Variants in SPNS1 observed in about 807,000 individuals in gnomAD.
SPNS1 encodes the protein protein spinster homolog 1.
In SPNS1, 22 loss-of-function variants were observed where a neutral mutation model predicts 50.3. The observed-to-expected ratio is 0.44, with a 90% confidence interval of 0.31 to 0.62. The LOEUF is 0.62. SPNS1 is among the 20% of genes least tolerant of loss of function. The pLI, the probability that SPNS1 is intolerant of heterozygous loss-of-function variation, is 0.07. For synonymous variants in SPNS1, 295 were observed against 317.4 expected, an observed-to-expected ratio of 0.93 and a Z score of 0.75; for missense variants, 576 against 728.6, an observed-to-expected ratio of 0.79 and a Z score of 2.41.
At position 28,983,364 on chromosome 16, in the gene SPNS1, A is replaced by G; in HGVS notation, c.1320+74A>G. 2.5e-6 allele frequency: 3 copies of G among 1,202,330 alleles called. No individual in the cohort carries two copies. The highest frequency in any genetic ancestry group is 3.7e-6 in the Non-Finnish European group (3 of 807,008). 74.5% of individuals were successfully genotyped at this position (1,202,330 alleles called of 1,614,324 possible). Reference sequence around the variant, plus strand: ...GGGCTGGATCAGAAGGCCTGGCCCTAGTGAAGTGTCTGTGTCCTGCGTGCT... The same window carrying G: ...GGGCTGGATCAGAAGGCCTGGCCCTGGTGAAGTGTCTGTGTCCTGCGTGCT... On this transcript the variant is annotated intron_variant, in intron 10 of 11. Transcript: ENST00000311008. The surrounding 1 kb of genome is among the most constrained non-coding windows in gnomAD (Gnocchi z 5.4).
chr16:28,979,492 G>A (rs1275701281), intron 5 of SPNS1, 21 bp downstream of exon 5: 2 of 1,613,566 alleles, frequency 1.2e-6, no homozygotes, highest in Non-Finnish European at 1.7e-6. Flanking sequence ...TCTTGGCCTG[G>A]GGGTAGGTCA....
intron 7 of SPNS1, 51 bp from the exon 8 acceptor site, chr16:28,982,305 G>A: frequency 6.6e-7 from 1 of 1,513,494 alleles, no homozygotes; most frequent in Non-Finnish European, 8.9e-7. Flanking sequence ...ACAGCGTAGG[G>A]GCCTTGGCAG....
At chr16:28,980,891 C>G (rs1404608174) in intron 5 of SPNS1, among the ~76,000 whole-genome samples, 2 of 152,128 alleles carry the variant, frequency 1.3e-5, no homozygotes, top group African/African-American at 2.4e-5. Context: ...AACCGTAAGC[C>G]CCCTAAAGGG....
rs1965277398 is a variant in SPNS1, at chr16:28,974,902, G to A, written c.-250G>A. The A allele has an allele frequency of 6.5e-7, 1 of 1,527,532 alleles. No homozygotes were observed. Among genetic ancestry groups the A allele is most frequent in the African/African-American group, 1.4e-5 (1 of 72,818 alleles). The allele number at this position is 1,527,532 out of a possible 1,614,324, so 94.6% of individuals were successfully genotyped here. On this transcript the variant is annotated 5_prime_UTR_variant, in exon 1 of 12. Transcript: ENST00000311008. Reference sequence around the variant, plus strand: ...TCCGCGTGGGATCGTGCCCTCTTCAGCCCGCTCCTGTCCCCGACATCACGT... The same window carrying A: ...TCCGCGTGGGATCGTGCCCTCTTCAACCCGCTCCTGTCCCCGACATCACGT...
In SPNS1 at chr16:28,983,730, C is replaced by T; in HGVS notation, c.1321-56C>T. 7.9e-6 allele frequency: 12 copies of T among 1,513,810 alleles called. No individual in the cohort carries two copies. Among genetic ancestry groups the T allele is most frequent in the Non-Finnish European group, 1.1e-5 (12 of 1,133,300 alleles). 93.8% of individuals were successfully genotyped at this position (1,513,810 alleles called of 1,614,324 possible). On this transcript the variant is annotated intron_variant, in intron 10 of 11. Coordinates refer to ENST00000311008, the MANE Select transcript of SPNS1 (RefSeq NM_032038.3). The surrounding 1 kb of genome is among the most constrained non-coding windows in gnomAD (Gnocchi z 5.4). ...TCCCTGGAGCTCAGGGGCGTGCCCTCCCTGGTTCATCCATGAGGCTGACTC... is the reference window on the plus strand; with the variant it reads ...TCCCTGGAGCTCAGGGGCGTGCCCTTCCTGGTTCATCCATGAGGCTGACTC...
In SPNS1 at chr16:28,981,328, T is replaced by A; in HGVS notation, c.664-142T>A. On this transcript the variant is annotated intron_variant, in intron 5 of 11. Coordinates refer to ENST00000311008, the MANE Select transcript of SPNS1 (RefSeq NM_032038.3). The surrounding 1 kb of genome is among the most constrained non-coding windows in gnomAD (Gnocchi z 4.2). ...TAGTGGCAGCCCCCTTCCCCCAGAT[T>A]GCAGGTTCGGCTTCTTGGAGCAGGC... 2.8e-6 allele frequency: 3 copies of A among 1,072,490 alleles called. No homozygotes were observed. The highest frequency in any genetic ancestry group is 3.9e-6 in the Non-Finnish European group (3 of 761,900). The allele number at this position is 1,072,490 out of a possible 1,614,324, so 66.4% of individuals were successfully genotyped here.
intron 7 of SPNS1, 92 bp from the exon 8 acceptor site, chr16:28,982,264 G>T: frequency 7.0e-7 from 1 of 1,434,234 alleles, no homozygotes; most frequent in African/African-American, 1.4e-5. Flanking sequence ...TGTGTCTGTA[G>T]GGACCTTGGT....
At position 28,984,456 on chromosome 16, in the gene SPNS1, G is replaced by T; in HGVS notation, c.*157G>T. The T allele has an allele frequency of 1.3e-6, 1 of 775,140 alleles. No homozygotes were observed. The allele number at this position is 775,140 out of a possible 1,614,324, so 48.0% of individuals were successfully genotyped here. A position where few individuals can be genotyped will look rare whatever the true frequency, so the allele number is the denominator to read the frequency against. On this transcript the variant is annotated 3_prime_UTR_variant, in exon 12 of 12. Transcript: ENST00000311008. ...ACTACCTGGGTAGCTCAGGGGAGGA[G>T]GTGGGGGTCCAGGAGGGGGATCCCT... is the stretch of plus-strand genomic sequence containing the variant.
In SPNS1 at chr16:28,981,047, T is replaced by C. The variant is rs921534494; in HGVS notation, c.664-423T>C. Among the ~76,000 whole-genome samples the C allele has an allele frequency of 6.6e-6, 1 of 152,196 alleles. No individual in the cohort carries two copies. Among genetic ancestry groups the C allele is most frequent in the Non-Finnish European group, 1.5e-5 (1 of 68,028 alleles). The stretch of plus-strand genomic sequence containing the variant: ...TAAGGACGTGAGAACTCCAGATGAT[T>C]ACCTTTCCATTTAGCAACATTGGCA... On this transcript the variant is annotated intron_variant, in intron 5 of 11. Coordinates refer to ENST00000311008, the MANE Select transcript of SPNS1 (RefSeq NM_032038.3). The surrounding 1 kb of genome is among the most constrained non-coding windows in gnomAD (Gnocchi z 4.2).
At position 28,982,490 on chromosome 16, in the gene SPNS1, C is replaced by T; in HGVS notation, c.1100C>T (p.Ala367Val). The change falls in exon 8 of 12, where the codon GCA becomes GTA. Residue 367 changes from alanine to valine, a missense_variant. By Grantham distance (64) the Ala-to-Val change is moderately conservative. This residue lies in a region of SPNS1 where 428 missense variants were observed against 520.1 expected (regional missense o/e 0.82). Coordinates refer to ENST00000311008, the MANE Select transcript of SPNS1 (RefSeq NM_032038.3). ...TGTGCCACTGGCCTCCTGGGCTCTG[C>T]ACCCTTCCTCTTCCTGTCCCTTGCC... is the stretch of plus-strand genomic sequence containing the variant. ...LVCATGLLGS[A>V]PFLFLSLACA... 6.2e-7 allele frequency: 1 copy of T among 1,613,684 alleles called. No homozygotes were observed. The highest frequency in any genetic ancestry group is 8.5e-7 in the Non-Finnish European group (1 of 1,179,872).
At position 28,982,299 on chromosome 16, in the gene SPNS1, C is replaced by T. The variant is rs142532385; in HGVS notation, c.966-57C>T. On this transcript the variant is annotated intron_variant, in intron 7 of 11. Transcript: ENST00000311008. ...TTGTGAGGGTGGCTAGGATGGACAG[C>T]GTAGGGGCCTTGGCAGGCACAGGGA... is the stretch of plus-strand genomic sequence containing the variant. The T allele has an allele frequency of 5.0e-3, 7,655 of 1,518,006 alleles. 28 individuals are homozygous for T. Among genetic ancestry groups the T allele is most frequent in the Non-Finnish European group, 6.2e-3 (7,012 of 1,124,366 alleles). The allele number at this position is 1,518,006 out of a possible 1,614,324, so 94.0% of individuals were successfully genotyped here.
rs1385543517 is a variant in SPNS1, at chr16:28,975,260, G to C, written c.109G>C (p.Glu37Gln). ...AGGGTCCACGGGGAACCCGAAGTCC[G>C]AGGAGCCCGAGGTCCCGGACCAGGA... ...LPGSTGNPKSEEPEVPDQEGL... is the reference protein window; with the variant it reads ...LPGSTGNPKSQEPEVPDQEGL... Residue 37 changes from glutamate (E) to glutamine (Q), a missense_variant, in exon 1 of 12, where the codon GAG becomes CAG. Coordinates refer to ENST00000311008, the MANE Select transcript of SPNS1 (RefSeq NM_032038.3). The C allele has an allele frequency of 6.4e-7, 1 of 1,552,714 alleles. No individual in the cohort carries two copies. The highest frequency in any genetic ancestry group is 8.7e-7 in the Non-Finnish European group (1 of 1,148,326).
Position 28,975,095 on chromosome 16 carries a change from TCGC to T in SPNS1, c.-56_-54del. On this transcript the variant is annotated 5_prime_UTR_variant, in exon 1 of 12. Transcript: ENST00000311008. ...TCCTCCTTTCTCCAGCCTCCTCCCC[TCGC>T]AGGTGGGATCGTCGGTGGGACCGGA... 6.9e-7 allele frequency: 1 copy of T among 1,448,460 alleles called. No individual in the cohort carries two copies. 89.7% of individuals were successfully genotyped at this position (1,448,460 alleles called of 1,614,324 possible).
At position 28,979,299 on chromosome 16, in the gene SPNS1, GT is replaced by G; in HGVS notation, c.590del (p.Val197GlyfsTer13). Reference protein sequence around the residue: ...MLSIFYFAIPVGSGLGYIAGS... With the variant: ...MLSIFYFAIPXGSGLGYIAGS... ...CAGCATCTTCTACTTTGCCATTCCG[GT>G]GGGCAGGTGAGTGGGCCTGGGGCCT... On this transcript the variant is annotated frameshift_variant, in exon 4 of 12. Transcript: ENST00000311008. LOFTEE classifies it high-confidence loss of function. 6.2e-7 allele frequency: 1 copy of G among 1,614,190 alleles called. No individual in the cohort carries two copies. Among genetic ancestry groups the G allele is most frequent in the Non-Finnish European group, 8.5e-7 (1 of 1,180,034 alleles).
chr16:28,975,319 C>T lies in SPNS1; in HGVS notation c.168C>T (p.Gly56=). The T allele has an allele frequency of 2.5e-6, 4 of 1,584,590 alleles. No homozygotes were observed. Among genetic ancestry groups the T allele is most frequent in the Non-Finnish European group, 3.4e-6 (4 of 1,161,952 alleles). The change falls in exon 1 of 12, where the codon GGC becomes GGT. Residue 56 remains glycine (G), a synonymous_variant. Transcript: ENST00000311008. The stretch of plus-strand genomic sequence containing the variant: ...AGCGCATCACCGGCCTGTCTCCCGG[C>T]CGTTCGGCTCTCATAGTGGCGGTGC... ...GLQRITGLSP[G]RSALIVAVLC...
Position 28,981,808 on chromosome 16 carries a change from C to A in SPNS1, c.810-93C>A. 1 of 1,558,076 alleles carries A rather than the reference C, an allele frequency of 6.4e-7. No individual in the cohort carries two copies. Among genetic ancestry groups the A allele is most frequent in the Non-Finnish European group, 8.8e-7 (1 of 1,139,838 alleles). On this transcript the variant is annotated intron_variant, in intron 6 of 11. Coordinates refer to ENST00000311008, the MANE Select transcript of SPNS1 (RefSeq NM_032038.3). This position sits in a 1 kb window ranked among gnomAD's most constrained non-coding sequence, Gnocchi z 4.2. ...AACCACCTCTGCACGGTGTTGTGACCTTACTAAAATAAGCCAGGAAGGGAG... is the reference window on the plus strand; with the variant it reads ...AACCACCTCTGCACGGTGTTGTGACATTACTAAAATAAGCCAGGAAGGGAG...
At chr16:28,977,747 G>A (rs142112708) in intron 2 of SPNS1, among the ~76,000 whole-genome samples, 161 bp from the exon 3 acceptor site, 207 of 152,254 alleles carry the variant, frequency 1.4e-3, no homozygotes, top group African/African-American at 4.6e-3. Flanking sequence ...TGGACCATCC[G>A]CCTGACAGGA....
chr16:28,979,272 C>T lies in SPNS1; in HGVS notation c.562C>T (p.Leu188Phe). The change falls in exon 4 of 12, where the codon CTC becomes TTC. Residue 188 changes from leucine (L) to phenylalanine (F), a missense_variant. Coordinates refer to ENST00000311008, the MANE Select transcript of SPNS1 (RefSeq NM_032038.3). ...TGTGGCCGACCAGCGGAGCCGGATGCTCAGCATCTTCTACTTTGCCATTCC... is the reference window on the plus strand; with the variant it reads ...TGTGGCCGACCAGCGGAGCCGGATGTTCAGCATCTTCTACTTTGCCATTCC... The part of the protein sequence containing the change: ...LFVADQRSRM[L>F]SIFYFAIPVG... The T allele has an allele frequency of 6.2e-7, 1 of 1,614,232 alleles. No individual in the cohort carries two copies.
In SPNS1 at chr16:28,975,324, C is replaced by T; in HGVS notation, c.173C>T (p.Ser58Leu). The change falls in exon 1 of 12, where the codon TCG becomes TTG. Residue 58 changes from serine (S) to leucine (L), a missense_variant. Transcript: ENST00000311008. ...QRITGLSPGR[S>L]ALIVAVLCYI... is the part of the protein sequence containing the mutation. ...ATCACCGGCCTGTCTCCCGGCCGTT[C>T]GGCTCTCATAGTGGCGGTGCTGTGC... The T allele has an allele frequency of 6.3e-7, 1 of 1,585,608 alleles. No homozygotes were observed. Among genetic ancestry groups the T allele is most frequent in the African/African-American group, 1.3e-5 (1 of 74,556 alleles).
Sources: gnomAD v4.1 joint callset for allele counts (sites outside exome capture counted in the v4.1 genomes callset) on GRCh38, gnomAD v4.1.1 for gene constraint, gnomAD v4.1.1 regional missense constraint, Gnocchi (gnomAD v3.1) non-coding constraint, MANE v1.5 for transcripts, NCBI Gene and HGNC (gene_info 2026-07-23, HGNC 2026-07-21) for gene names.